MLLT10: variants seen among roughly 807,000 people sequenced by gnomAD.
MLLT10 encodes the protein protein AF-10.
In MLLT10, 30 loss-of-function variants were observed where a neutral mutation model predicts 129.1. The ratio of observed to expected loss-of-function variants is 0.23; its 90% CI spans 0.17 to 0.32. The LOEUF is 0.32. Ranked by LOEUF, MLLT10 falls within the 10% of genes least tolerant of loss-of-function variation. The pLI, the probability that MLLT10 is intolerant of heterozygous loss-of-function variation, is 1.00. For missense variants in MLLT10, 1,119 were observed against 1,268.3 expected (o/e 0.88, Z 1.79); for synonymous variants, 490 against 446.4 (o/e 1.10, Z -1.23).
In MLLT10 at chr10:21,627,040, A is replaced by AT. The variant is rs1259531109; in HGVS notation, c.699+9844dup. 4.7e-3 allele frequency among the ~76,000 whole-genome samples: 705 copies of AT among 149,562 alleles called. 3 individuals are homozygous for AT. Among genetic ancestry groups the AT allele is most frequent in the African/African-American group, 0.015 (617 of 40,934 alleles). On this transcript the variant is annotated intron_variant, in intron 8 of 22. Transcript: ENST00000307729. ...TTGAGCCAGGCAGCCAGTAGGATTA[A>AT]TTTTTTTTTTTAAACTTTTGGTTTT... is the stretch of plus-strand genomic sequence containing the variant.
Position 21,651,708 on chromosome 10 carries a change from CAAG to C in MLLT10, c.739_741del (p.Lys247del). On this transcript the variant is annotated inframe_deletion, in exon 9 of 23. Coordinates refer to ENST00000307729, the MANE Select transcript of MLLT10 (RefSeq NM_001195626.3). ...AGAAGGACAAACACAAACAGAAACA[CAAG>C]AAGCAGCCAGAACCATCACCTGCAT... The C allele has an allele frequency of 6.2e-7, 1 of 1,613,368 alleles. No homozygotes were observed. Among genetic ancestry groups the C allele is most frequent in the South Asian group, 1.1e-5 (1 of 90,956 alleles).
intron 9 of MLLT10, among the ~76,000 whole-genome samples, chr10:21,655,043 G>T (rs1286638037): frequency 6.6e-6 from 1 of 152,052 alleles, no homozygotes; most frequent in Non-Finnish European, 1.5e-5. Context: ...GAAATATGAA[G>T]TGGTATTTAA....
intron 9 of MLLT10, among the ~76,000 whole-genome samples, chr10:21,658,256 T>A (rs2049807300): frequency 6.6e-6 from 1 of 152,220 alleles, no homozygotes; most frequent in South Asian, 2.1e-4. Context: ...CTTCTTTTAA[T>A]CTCCTTCTCC....
intron 10 of MLLT10, among the ~76,000 whole-genome samples, chr10:21,672,209 G>GTA (rs1320341185): frequency 1.3e-5 from 2 of 149,990 alleles, no homozygotes; most frequent in East Asian, 3.9e-4. Flanking sequence ...GTGTGTGTGT[G>GTA]TATTTTGAGA....
At chr10:21,604,025 A>C (rs2043818813) in intron 5 of MLLT10, among the ~76,000 whole-genome samples, 1 of 152,110 alleles carries the variant, frequency 6.6e-6, no homozygotes, top group Admixed American at 6.5e-5. Context: ...TGTGTAAGAT[A>C]CTGGGTGTTA....
chr10:21,676,720 C>CAAAAAAAAAAAAAA (rs56000691), intron 11 of MLLT10, among the ~76,000 whole-genome samples: 5 of 32,012 alleles, frequency 1.6e-4, no homozygotes, highest in South Asian at 2.4e-3. Flanking sequence ...GACTCCATCT[C>CAAAAAAAAAAAAAA]AAAAAAAAAA....
chr10:21,599,109 C>A (rs549673709), intron 5 of MLLT10, among the ~76,000 whole-genome samples: 2 of 150,706 alleles, frequency 1.3e-5, no homozygotes, highest in African/African-American at 2.4e-5. Context: ...ACCTGGAAAG[C>A]GGAGGTTGCA....
intron 13 of MLLT10, among the ~76,000 whole-genome samples, chr10:21,690,835 C>T (rs1307167962): frequency 1.3e-5 from 2 of 152,052 alleles, no homozygotes; most frequent in Non-Finnish European, 2.9e-5. Flanking sequence ...CAAAACTCTT[C>T]TTTTGTGTTG....
At chr10:21,580,607 G>A (rs1013578050) in intron 3 of MLLT10, among the ~76,000 whole-genome samples, 1 of 152,054 alleles carries the variant, frequency 6.6e-6, no homozygotes, top group Non-Finnish European at 1.5e-5. Flanking sequence ...AGCCAGGATG[G>A]TCTCGATCTC....
intron 14 of MLLT10, among the ~76,000 whole-genome samples, chr10:21,714,187 T>C (rs1198527517): frequency 1.9e-4 from 29 of 152,336 alleles, no homozygotes; most frequent in Admixed American, 3.9e-4. Context: ...TTAAATTTTG[T>C]CTGAATGATA....
intron 2 of MLLT10, among the ~76,000 whole-genome samples, chr10:21,538,591 A>G (rs560731082): frequency 1.3e-5 from 2 of 152,118 alleles, no homozygotes; most frequent in Non-Finnish European, 2.9e-5. Context: ...ACAGGCATGA[A>G]CCATTGCACC....
chr10:21,710,870 C>T (rs556041211), intron 13 of MLLT10, among the ~76,000 whole-genome samples: 59 of 152,284 alleles, frequency 3.9e-4, no homozygotes, highest in Non-Finnish European at 3.7e-4. Context: ...CAGTTACTTC[C>T]GTACAGTAAC....
chr10:21,666,727 G>A lies in MLLT10; in HGVS notation c.796-3722G>A, dbSNP rs190490027. ...GTCTTTATTGTTTACCATTTTTACT[G>A]TATTTGTCTGTTACTCCTTCCTTAT... On this transcript the variant is annotated intron_variant, in intron 9 of 22. Transcript: ENST00000307729. Among the ~76,000 whole-genome samples, 330 of 151,982 alleles carry A rather than the reference G, an allele frequency of 2.2e-3. 1 individual carries two copies. The highest frequency in any genetic ancestry group is 7.5e-3 in the African/African-American group (313 of 41,488).
chr10:21,657,372 G>C (rs151135636), intron 9 of MLLT10, among the ~76,000 whole-genome samples: 1 of 130,588 alleles, frequency 7.7e-6, no homozygotes, highest in African/African-American at 2.9e-5. Context: ...CAGACTGGGC[G>C]ACAGAGCGAG....
rs1478243500 is a variant in MLLT10, at chr10:21,626,376, C to G, written c.699+9169C>G. ...AGAAATCTCGCACGCGTGCCACCCCCCAAGTCTATGATTCTTATGTTTACA... is the reference window on the plus strand; with the variant it reads ...AGAAATCTCGCACGCGTGCCACCCCGCAAGTCTATGATTCTTATGTTTACA... On this transcript the variant is annotated intron_variant, in intron 8 of 22. Transcript: ENST00000307729. The G allele has an allele frequency of 7.8e-6, 5 of 640,190 alleles. No individual in the cohort carries two copies. In the East Asian group the frequency reaches 1.4e-4, roughly 17 times the overall value. 39.7% of individuals were successfully genotyped at this position (640,190 alleles called of 1,614,324 possible).
chr10:21,598,769 G>T (rs571245542), intron 5 of MLLT10, among the ~76,000 whole-genome samples: 2 of 150,464 alleles, frequency 1.3e-5, no homozygotes, highest in Non-Finnish European at 3.0e-5. Context: ...AATCCCAGCT[G>T]CTTGGGAGGC....
rs550568466 is a variant in MLLT10, at chr10:21,628,166, G to A, written c.699+10959G>A. 2.2e-4 allele frequency among the ~76,000 whole-genome samples: 33 copies of A among 152,244 alleles called. No homozygotes were observed. In the South Asian group the frequency reaches 5.8e-3, roughly 27 times the overall value. ...TGCCTACTACCTGATTCCAAGCAGC[G>A]CCTGCATTTTCAGGTTTTATTGTAT... On this transcript the variant is annotated intron_variant, in intron 8 of 22. Transcript: ENST00000307729.
At chr10:21,721,878 C>T (rs1418703358) in intron 14 of MLLT10, among the ~76,000 whole-genome samples, 1 of 151,940 alleles carries the variant, frequency 6.6e-6, no homozygotes, top group East Asian at 1.9e-4. Context: ...AAAATAATTA[C>T]ACTTCTCTTA....
At position 21,728,069 on chromosome 10, in the gene MLLT10, A is replaced by C. The variant is rs920561906; in HGVS notation, c.2063+141A>C. The C allele has an allele frequency of 2.0e-5, 12 of 591,968 alleles. No homozygotes were observed. The East Asian group carries it at 2.9e-4, about 14-fold the overall frequency. The allele number at this position is 591,968 out of a possible 1,614,324, so 36.7% of individuals were successfully genotyped here. On this transcript the variant is annotated intron_variant, in intron 16 of 22. Transcript: ENST00000307729. The stretch of plus-strand genomic sequence containing the variant: ...TAAGAAGCATGTCTAGACAAGAAAA[A>C]TGATTCTAAATTAATTTAAATATTA...
Sources: allele counts gnomAD v4.1 joint callset (sites outside exome capture counted in the v4.1 genomes callset), GRCh38; gene constraint gnomAD v4.1.1; transcripts MANE v1.5; gene names NCBI Gene and HGNC (gene_info 2026-07-23, HGNC 2026-07-21).